N4BP2L2: variants seen among roughly 807,000 people sequenced by gnomAD.
The protein encoded by N4BP2L2 is NEDD4 binding protein 2 like 2.
A neutral mutation model predicts 56.2 loss-of-function variants in N4BP2L2; 50 were observed. The observed-to-expected ratio is 0.89, with a 90% confidence interval of 0.71 to 1.13. N4BP2L2 has a LOEUF of 1.13. Ranked by LOEUF, N4BP2L2 falls within the 50% of genes most tolerant of loss-of-function variation. N4BP2L2 has a pLI of 0.00. For synonymous variants in N4BP2L2, 203 were observed against 223.6 expected (o/e 0.91, Z 0.82); for missense variants, 689 against 693.8 (o/e 0.99, Z 0.08).
chr13:32,532,636 G>C (rs986314650), intron 2 of N4BP2L2, among the ~76,000 whole-genome samples: 24 of 147,718 alleles, frequency 1.6e-4, no homozygotes, highest in South Asian at 6.4e-4. Flanking sequence ...TGTTGCCCAG[G>C]CTGGAGTGCA....
chr13:32,440,597 G>GCTGGGAGGCAT (rs2076166276), intron 7 of N4BP2L2, among the ~76,000 whole-genome samples: 1 of 151,778 alleles, frequency 6.6e-6, no homozygotes, highest in Non-Finnish European at 1.5e-5. Context: ...CTCCTAACTA[G>GCTGGGAGGCAT]GTTTACAGGC....
chr13:32,520,827 C>T (rs1010441119), intron 5 of N4BP2L2, among the ~76,000 whole-genome samples: 8 of 152,200 alleles, frequency 5.3e-5, no homozygotes, highest in African/African-American at 1.9e-4. Flanking sequence ...AAACTCAGTT[C>T]TCCCTGACTC....
intron 9 of N4BP2L2, chr13:32,433,096 T>A (rs2075018421): frequency 6.6e-6 from 1 of 152,164 alleles, no homozygotes; most frequent in Non-Finnish European, 1.5e-5. Context: ...TTCACAGCTG[T>A]CCCCACAGTC....
chr13:32,455,309 C>CA (rs1184029875), intron 6 of N4BP2L2, among the ~76,000 whole-genome samples: 1 of 152,138 alleles, frequency 6.6e-6, no homozygotes, highest in Non-Finnish European at 1.5e-5. Context: ...AGGCTGCCCC[C>CA]AGGACAAAGG....
At chr13:32,487,584 A>G (rs1161385890) in intron 6 of N4BP2L2, among the ~76,000 whole-genome samples, 1 of 151,226 alleles carries the variant, frequency 6.6e-6, no homozygotes. Flanking sequence ...AGGCAGGACA[A>G]TCACTTGAAC....
intron 6 of N4BP2L2, among the ~76,000 whole-genome samples, chr13:32,484,520 A>G (rs7984427): frequency 0.057 from 8,700 of 151,844 alleles, 845 homozygotes; most frequent in African/African-American, 0.2. Flanking sequence ...TTCCACTCTC[A>G]TTGCCCAGAC....
intron 6 of N4BP2L2, among the ~76,000 whole-genome samples, chr13:32,492,833 A>G (rs758867968): frequency 2.0e-5 from 3 of 152,184 alleles, no homozygotes; most frequent in Non-Finnish European, 2.9e-5. Context: ...TGTATATTTA[A>G]AATTGAGGAT....
intron 6 of N4BP2L2, chr13:32,477,758 G>C: frequency 1.4e-6 from 1 of 690,822 alleles, no homozygotes; most frequent in Non-Finnish European, 2.1e-6. Flanking sequence ...AGTGGTAAAA[G>C]CTCTGTTCCA....
intron 8 of N4BP2L2, chr13:32,438,594 C>T (rs186230648): frequency 2.1e-5 from 29 of 1,357,870 alleles, no homozygotes; most frequent in Admixed American, 1.8e-4. Flanking sequence ...AATGAAACTC[C>T]GTCTCAAACA....
intron 6 of N4BP2L2, among the ~76,000 whole-genome samples, chr13:32,492,916 GTTTTTTTTT>G (rs35025430): frequency 9.3e-6 from 1 of 107,516 alleles, no homozygotes; most frequent in Non-Finnish European, 1.8e-5. Flanking sequence ...TAGCTTTTCT[GTTTTTTTTT>G]TTTTTTTTTT....
chr13:32,436,946 T>A (rs932508056), intron 8 of N4BP2L2, among the ~76,000 whole-genome samples: 3 of 151,750 alleles, frequency 2.0e-5, no homozygotes, highest in African/African-American at 7.3e-5. Context: ...AGTGGCACAA[T>A]GTTGGCTCAC....
At chr13:32,484,841 T>C (rs2085537804) in intron 6 of N4BP2L2, among the ~76,000 whole-genome samples, 1 of 152,202 alleles carries the variant, frequency 6.6e-6, no homozygotes, top group Non-Finnish European at 1.5e-5. Flanking sequence ...CTTAAGTATA[T>C]GAAATACTGT....
intron 8 of N4BP2L2, among the ~76,000 whole-genome samples, chr13:32,437,631 C>T (rs1344361356): frequency 6.6e-6 from 1 of 152,206 alleles, no homozygotes; most frequent in Non-Finnish European, 1.5e-5. Context: ...TTACGTCTGT[C>T]ACTGTGGACC....
At chr13:32,462,044 A>G (rs1281685273) in intron 6 of N4BP2L2, among the ~76,000 whole-genome samples, 1 of 152,246 alleles carries the variant, frequency 6.6e-6, no homozygotes, top group Admixed American at 6.5e-5. Flanking sequence ...TATTTCTCAC[A>G]GAACTAAAAA....
At chr13:32,496,262 A>G (rs949533347) in intron 6 of N4BP2L2, among the ~76,000 whole-genome samples, 1 of 152,178 alleles carries the variant, frequency 6.6e-6, no homozygotes, top group Non-Finnish European at 1.5e-5. Flanking sequence ...CTGAAAACAA[A>G]TCAAAGATAC....
chr13:32,463,407 T>C (rs2138748211), intron 6 of N4BP2L2, among the ~76,000 whole-genome samples: 1 of 152,244 alleles, frequency 6.6e-6, no homozygotes, highest in African/African-American at 2.4e-5. Flanking sequence ...ATCACGGCTA[T>C]AATCCCAGCA....
intron 6 of N4BP2L2, among the ~76,000 whole-genome samples, chr13:32,473,256 T>C (rs908339693): frequency 6.6e-6 from 1 of 150,602 alleles, no homozygotes; most frequent in African/African-American, 2.4e-5. Context: ...CACTCCAGCC[T>C]GGGCAACAGA....
chr13:32,467,867 G>A (rs1292695653), intron 6 of N4BP2L2, among the ~76,000 whole-genome samples: 3 of 150,948 alleles, frequency 2.0e-5, no homozygotes, highest in Middle Eastern at 3.2e-3. Context: ...GCGGGTGCCT[G>A]TAATCCCAGC....
At chr13:32,480,041 T>A (rs1401256144) in intron 6 of N4BP2L2, among the ~76,000 whole-genome samples, 1 of 151,744 alleles carries the variant, frequency 6.6e-6, no homozygotes, top group Admixed American at 6.6e-5. Flanking sequence ...CAAAATAGGA[T>A]AAAGACACAA....
Sources: gnomAD v4.1 joint callset for allele counts (sites outside exome capture counted in the v4.1 genomes callset) on GRCh38, gnomAD v4.1.1 for gene constraint, MANE v1.5 for transcripts, NCBI Gene and HGNC (gene_info 2026-07-23, HGNC 2026-07-21) for gene names.